Variants in ECT2L observed in about 807,000 individuals in gnomAD.
ECT2L encodes epithelial cell transforming 2 like.
A neutral mutation model predicts 122.8 loss-of-function variants in ECT2L; 126 were observed. That is an observed-to-expected ratio of 1.03 (90% CI 0.89 to 1.19). The LOEUF is 1.19. ECT2L is among the 50% of genes most tolerant of loss of function. The pLI is 0.00. For synonymous variants in ECT2L, 385 were observed against 381.8 expected, an observed-to-expected ratio of 1.01 and a Z score of -0.10; for missense variants, 1,012 against 1,064.1, an observed-to-expected ratio of 0.95 and a Z score of 0.68.
At chr6:138,800,809 G>T (rs1180376428) in intron 1 of ECT2L, among the ~76,000 whole-genome samples, 2 of 152,220 alleles carry the variant, frequency 1.3e-5, no homozygotes, top group Non-Finnish European at 2.9e-5. Flanking sequence ...ACCTGAGACT[G>T]GGTAATTTAT....
In ECT2L at chr6:138,842,288, G is replaced by A. The variant is rs558593460; in HGVS notation, c.343-691G>A. 4.4e-5 allele frequency among the ~76,000 whole-genome samples: 6 copies of A among 137,844 alleles called. No homozygotes were observed. In the East Asian group the frequency reaches 6.4e-4, roughly 15 times the overall value. The allele number at this position is 137,844 out of a possible 152,430, so 90.4% of individuals were successfully genotyped here. A position where few individuals can be genotyped will look rare whatever the true frequency, so the allele number is the denominator to read the frequency against. ...GGCCTGGCCAACAGGGCAAAACCCC[G>A]CCTCTAGTAAAAATACACAAAAACT... is the stretch of plus-strand genomic sequence containing the variant. On this transcript the variant is annotated intron_variant, in intron 5 of 21. Coordinates refer to ENST00000541398, the MANE Select transcript of ECT2L (RefSeq NM_001077706.3).
chr6:138,850,994 C>CAAAAA (rs34453938), intron 9 of ECT2L, among the ~76,000 whole-genome samples: 44 of 57,746 alleles, frequency 7.6e-4, no homozygotes, highest in African/African-American at 1.1e-3. Context: ...AACTCCATCT[C>CAAAAA]AAAAAAAAAA....
chr6:138,868,116 T>C lies in ECT2L; in HGVS notation c.1488T>C (p.Phe496=). The change falls in exon 13 of 22, where the codon TTT becomes TTC. Residue 496 remains phenylalanine, a synonymous_variant. Coordinates refer to ENST00000541398, the MANE Select transcript of ECT2L (RefSeq NM_001077706.3). The part of the protein sequence containing the change: ...ISGRMIGQFM[F]DTMGMTNILN... Reference sequence around the variant, plus strand: ...TTGTATTTACAGGGCAGTTTATGTTTGACACCATGGGTATGACCAACATTC... The same window carrying C: ...TTGTATTTACAGGGCAGTTTATGTTCGACACCATGGGTATGACCAACATTC... 3 of 1,609,646 alleles carry C rather than the reference T, an allele frequency of 1.9e-6. No homozygotes were observed. The highest frequency in any genetic ancestry group is 2.5e-6 in the Non-Finnish European group (3 of 1,177,886).
At chr6:138,829,015 GT>G (rs1776554346) in intron 4 of ECT2L, among the ~76,000 whole-genome samples, 1 of 136,978 alleles carries the variant, frequency 7.3e-6, no homozygotes, top group African/African-American at 2.6e-5. Context: ...CGCTGGCTAA[GT>G]TTAAAATTTT....
chr6:138,821,884 T>C (rs1382889535), intron 4 of ECT2L, among the ~76,000 whole-genome samples: 3 of 152,234 alleles, frequency 2.0e-5, no homozygotes, highest in Non-Finnish European at 2.9e-5. Flanking sequence ...GAGGCTCCAC[T>C]GCTGGGTTTG....
chr6:138,867,830 A>AAAAT (rs34144362), intron 12 of ECT2L, among the ~76,000 whole-genome samples: 41,648 of 148,318 alleles, frequency 0.28, 6,590 homozygotes, highest in Admixed American at 0.38. Context: ...ACTCCATCTC[A>AAAAT]AAATAAATAA....
intron 15 of ECT2L, 138 bp downstream of exon 15, chr6:138,881,309 C>G (rs749156650): frequency 9.7e-6 from 8 of 824,066 alleles, no homozygotes; most frequent in Non-Finnish European, 1.3e-5. Context: ...GCGAGATCCT[C>G]ATCACATTAC....
At chr6:138,857,981 C>T (rs1777678271) in intron 10 of ECT2L, among the ~76,000 whole-genome samples, 1 of 152,114 alleles carries the variant, frequency 6.6e-6, no homozygotes, top group Admixed American at 6.5e-5. Context: ...AAAGAGGAAG[C>T]CCCTTATAAA....
chr6:138,814,632 A>G (rs1776009492), intron 4 of ECT2L, 29 bp downstream of exon 4: 1 of 1,358,056 alleles, frequency 7.4e-7, no homozygotes, highest in Non-Finnish European at 1.0e-6. Flanking sequence ...TGTAATTAAC[A>G]TTGATTCTTA....
intron 20 of ECT2L, among the ~76,000 whole-genome samples, chr6:138,897,950 A>G (rs1476380126): frequency 6.6e-6 from 1 of 152,084 alleles, no homozygotes; most frequent in Non-Finnish European, 1.5e-5. Flanking sequence ...TCTTCAAAGC[A>G]CTCTGTTGGC....
intron 14 of ECT2L, among the ~76,000 whole-genome samples, chr6:138,877,903 G>T (rs1778507600): frequency 6.6e-6 from 1 of 152,032 alleles, no homozygotes; most frequent in Non-Finnish European, 1.5e-5. Flanking sequence ...GGTGACAGAG[G>T]GAGACCCTGT....
chr6:138,799,399 A>T (rs531595851), intron 1 of ECT2L, among the ~76,000 whole-genome samples: 1 of 151,370 alleles, frequency 6.6e-6, no homozygotes, highest in South Asian at 2.1e-4. Flanking sequence ...GACTACAGGC[A>T]CCCGCCACCA....
intron 4 of ECT2L, among the ~76,000 whole-genome samples, chr6:138,835,824 C>CTT (rs1303645679): frequency 6.6e-6 from 1 of 152,220 alleles, no homozygotes; most frequent in Non-Finnish European, 1.5e-5. Context: ...TATAATCACC[C>CTT]TTTTCCATTT....
intron 5 of ECT2L, among the ~76,000 whole-genome samples, chr6:138,841,209 G>A (rs901676537): frequency 4.6e-5 from 7 of 152,004 alleles, no homozygotes; most frequent in African/African-American, 1.5e-4. Context: ...ACAATATTTG[G>A]ATCACCTGAG....
intron 12 of ECT2L, 87 bp downstream of exon 12, chr6:138,865,265 T>C (rs1243749397): frequency 7.5e-7 from 1 of 1,338,076 alleles, no homozygotes; most frequent in Non-Finnish European, 9.9e-7. Flanking sequence ...ATGGCGCAAG[T>C]AAAATTTTAC....
chr6:138,840,909 A>C (rs1407333110), intron 5 of ECT2L, among the ~76,000 whole-genome samples: 1 of 152,102 alleles, frequency 6.6e-6, no homozygotes, highest in African/African-American at 2.4e-5. Flanking sequence ...GGAAAGATTC[A>C]CCACGTCTCA....
chr6:138,848,564 G>T (rs1179865322), intron 8 of ECT2L, among the ~76,000 whole-genome samples: 1 of 152,072 alleles, frequency 6.6e-6, no homozygotes, highest in Non-Finnish European at 1.5e-5. Context: ...TAACAAAATA[G>T]CTCCTTTTAA....
intron 13 of ECT2L, among the ~76,000 whole-genome samples, chr6:138,873,896 G>GTGTGTGTGTGTGTGTGTA (rs1554277015): frequency 5.9e-4 from 89 of 149,786 alleles, no homozygotes; most frequent in African/African-American, 2.0e-3. Flanking sequence ...GTGTGTGTGT[G>GTGTGTGTGTGTGTGTGTA]TGTGTGTGTG....
chr6:138,852,303 C>T (rs1460501987), intron 9 of ECT2L, among the ~76,000 whole-genome samples: 2 of 151,894 alleles, frequency 1.3e-5, no homozygotes, highest in East Asian at 1.9e-4. Context: ...CAGCCCTCTG[C>T]CCCTCAAAAC....
Sources: allele counts gnomAD v4.1 joint callset (sites outside exome capture counted in the v4.1 genomes callset), GRCh38; gene constraint gnomAD v4.1.1; transcripts MANE v1.5; gene names NCBI Gene and HGNC (gene_info 2026-07-23, HGNC 2026-07-21).